The following GRID1 variants were observed in gnomAD, a reference collection of about 807,000 sequenced individuals.
The protein encoded by GRID1 is glutamate ionotropic receptor delta type subunit 1.
GRID1 carries 28 observed loss-of-function variants against 98.0 expected under a neutral mutation model. The observed-to-expected ratio is 0.29, with a 90% confidence interval of 0.21 to 0.39. The LOEUF (loss-of-function observed/expected upper bound fraction) is 0.39. Ranked by LOEUF, GRID1 falls within the 10% of genes least tolerant of loss-of-function variation. The pLI is 1.00. For synonymous variants in GRID1, 553 were observed against 538.5 expected, an observed-to-expected ratio of 1.03 and a Z score of -0.37; for missense variants, 1,111 against 1,340.5, an observed-to-expected ratio of 0.83 and a Z score of 2.67.
chr10:86,023,654 C>G (rs1683638117), intron 4 of GRID1, among the ~76,000 whole-genome samples: 1 of 152,166 alleles, frequency 6.6e-6, no homozygotes, highest in Non-Finnish European at 1.5e-5. Flanking sequence ...AGGCCAGACT[C>G]ACCACCTCCC....
Position 86,137,758 on chromosome 10 carries a change from T to C in GRID1, c.726+1061A>G, listed in dbSNP as rs535371952. Among the ~76,000 whole-genome samples, 56 of 152,274 alleles carry C rather than the reference T, an allele frequency of 3.7e-4. No homozygotes were observed. The South Asian group carries it at 6.6e-3, about 18-fold the overall frequency. ...ACCACCGGCGTGATTCGGGGCCTGA[T>C]TAGCAGAGAGCATCAGGGCTGCCGG... On this transcript the variant is annotated intron_variant, in intron 4 of 15. Coordinates refer to ENST00000327946, the MANE Select transcript of GRID1 (RefSeq NM_017551.3).
At chr10:86,087,871 C>A (rs561030792) in intron 4 of GRID1, among the ~76,000 whole-genome samples, 8 of 152,248 alleles carry the variant, frequency 5.3e-5, no homozygotes, top group Non-Finnish European at 1.0e-4. Context: ...GGTGGTGCAG[C>A]CACCAGCTCT....
intron 8 of GRID1, among the ~76,000 whole-genome samples, chr10:85,800,182 C>T (rs1218828735): frequency 6.6e-6 from 1 of 151,562 alleles, no homozygotes; most frequent in Non-Finnish European, 1.5e-5. Flanking sequence ...CTCTAAAACT[C>T]TATTAAGTGA....
At chr10:86,086,769 G>A (rs1354125763) in intron 4 of GRID1, among the ~76,000 whole-genome samples, 1 of 152,176 alleles carries the variant, frequency 6.6e-6, no homozygotes, top group East Asian at 1.9e-4. Context: ...TGGACAGTGT[G>A]TGTTGGTGTT....
chr10:85,995,817 G>A (rs1842733077), intron 4 of GRID1, among the ~76,000 whole-genome samples: 1 of 152,218 alleles, frequency 6.6e-6, no homozygotes, highest in African/African-American at 2.4e-5. Flanking sequence ...AAAGAGTGAG[G>A]ATGTCACAGA....
At chr10:86,060,376 G>A (rs1450510068) in intron 4 of GRID1, among the ~76,000 whole-genome samples, 2 of 152,178 alleles carry the variant, frequency 1.3e-5, no homozygotes, top group South Asian at 2.1e-4. Flanking sequence ...TAGCTACAGG[G>A]GCGAAGTGGG....
chr10:86,094,524 C>T (rs115680051), intron 4 of GRID1, among the ~76,000 whole-genome samples: 1,864 of 152,216 alleles, frequency 0.012, 44 homozygotes, highest in African/African-American at 0.041. Flanking sequence ...CTAATGTGCA[C>T]AAATCAATAG....
intron 4 of GRID1, among the ~76,000 whole-genome samples, chr10:86,026,274 A>G (rs1434574860): frequency 6.6e-6 from 1 of 152,264 alleles, no homozygotes; most frequent in Non-Finnish European, 1.5e-5. Flanking sequence ...TGAAACACAC[A>G]CGCATACATA....
intron 8 of GRID1, among the ~76,000 whole-genome samples, chr10:85,814,172 C>G (rs1465038390): frequency 6.6e-6 from 1 of 151,690 alleles, no homozygotes. Context: ...GGACAAAAAG[C>G]AATACCCTGC....
intron 2 of GRID1, among the ~76,000 whole-genome samples, chr10:86,308,094 C>T (rs1436014563): frequency 6.6e-6 from 1 of 152,220 alleles, no homozygotes; most frequent in African/African-American, 2.4e-5. Context: ...ATCCCCACTC[C>T]TGGCTTCCAC....
chr10:85,825,310 G>C (rs767309207), intron 8 of GRID1, among the ~76,000 whole-genome samples: 1 of 151,290 alleles, frequency 6.6e-6, no homozygotes, highest in Non-Finnish European at 1.5e-5. Context: ...ATTTTTTCAT[G>C]TTTGTTGGCC....
chr10:85,941,912 T>C (rs1842001397), intron 4 of GRID1, among the ~76,000 whole-genome samples: 2 of 152,352 alleles, frequency 1.3e-5, no homozygotes, highest in Admixed American at 6.5e-5. Context: ...AACTGCCTCC[T>C]GTCTCCTACT....
chr10:86,206,786 T>C lies in GRID1; in HGVS notation c.236-138A>G. 4.2e-6 allele frequency: 3 copies of C among 716,986 alleles called. No individual in the cohort carries two copies. The East Asian group carries it at 8.2e-5, about 20-fold the overall frequency. 44.4% of individuals were successfully genotyped at this position (716,986 alleles called of 1,614,324 possible). A position where few individuals can be genotyped will look rare whatever the true frequency, so the allele number is the denominator to read the frequency against. ...TGCCTCCCTCCAGGACCAAGAACCA[T>C]CCTGGGCAGGCCAGTGGCTCTCATA... is the stretch of plus-strand genomic sequence containing the variant. On this transcript the variant is annotated intron_variant, in intron 2 of 15. Transcript: ENST00000327946. The surrounding 1 kb of genome is among the most constrained non-coding windows in gnomAD (Gnocchi z 4.1).
At chr10:85,829,561 C>T (rs1251426249) in intron 8 of GRID1, among the ~76,000 whole-genome samples, 1 of 152,140 alleles carries the variant, frequency 6.6e-6, no homozygotes, top group Non-Finnish European at 1.5e-5. Context: ...CCCATAGTCT[C>T]TCCCAAATGT....
rs370197068 is a variant in GRID1 at position 86,288,842 on chromosome 10, C to T, written c.235+75099G>A. 7.4e-4 allele frequency among the ~76,000 whole-genome samples: 112 copies of T among 152,270 alleles called. 1 individual carries two copies. The highest frequency in any genetic ancestry group is 2.6e-3 in the African/African-American group (106 of 41,550). On this transcript the variant is annotated intron_variant, in intron 2 of 15. Coordinates refer to ENST00000327946, the MANE Select transcript of GRID1 (RefSeq NM_017551.3). ...CCAGCCTCATGAACACAGCAGGCAGCGCAGGCACCAAGACACCCCACACAA... is the reference window on the plus strand; with the variant it reads ...CCAGCCTCATGAACACAGCAGGCAGTGCAGGCACCAAGACACCCCACACAA...
At chr10:86,067,629 G>C (rs995887294) in intron 4 of GRID1, among the ~76,000 whole-genome samples, 3 of 152,216 alleles carry the variant, frequency 2.0e-5, no homozygotes, top group Non-Finnish European at 4.4e-5. Flanking sequence ...CCACCACCGG[G>C]TGTGCCCATC....
At chr10:85,692,235 A>T (rs1003819466) in intron 12 of GRID1, among the ~76,000 whole-genome samples, 2 of 152,152 alleles carry the variant, frequency 1.3e-5, no homozygotes, top group Non-Finnish European at 2.9e-5. Context: ...CTGAGTGCCA[A>T]GCCATTTGTT....
chr10:85,754,404 AAAGT>A (rs1213556144), intron 8 of GRID1, among the ~76,000 whole-genome samples: 1 of 152,240 alleles, frequency 6.6e-6, no homozygotes, highest in African/African-American at 2.4e-5. Flanking sequence ...AGAATAAAAG[AAAGT>A]AATTAAAATC....
At chr10:86,324,749 AT>A (rs1220814535) in intron 2 of GRID1, among the ~76,000 whole-genome samples, 1 of 152,116 alleles carries the variant, frequency 6.6e-6, no homozygotes, top group Non-Finnish European at 1.5e-5. Context: ...ATAAAAGTAA[AT>A]AGATTAAGTT....
Sources: allele counts gnomAD v4.1 joint callset (sites outside exome capture counted in the v4.1 genomes callset), GRCh38; gene constraint gnomAD v4.1.1; non-coding constraint Gnocchi (gnomAD v3.1); transcripts MANE v1.5; gene names NCBI Gene and HGNC (gene_info 2026-07-23, HGNC 2026-07-21).